The following AFMID variants were observed in gnomAD, a reference collection of about 807,000 sequenced individuals.
The protein encoded by AFMID is arylformamidase.
Under a neutral mutation model 47.5 loss-of-function variants are expected in AFMID, and 39 were observed. That is an observed-to-expected ratio of 0.82 (90% CI 0.64 to 1.07). The LOEUF (loss-of-function observed/expected upper bound fraction) is 1.07, where lower values mean the gene tolerates loss of function less well. AFMID is among the 50% of genes least tolerant of loss of function. The probability of loss-of-function intolerance (pLI) is 0.00; values close to 1 mark genes in which losing one functional copy is unlikely to be tolerated. For synonymous variants in AFMID, 130 were observed against 153.2 expected, an observed-to-expected ratio of 0.85 and a Z score of 1.12; for missense variants, 375 against 387.5, an observed-to-expected ratio of 0.97 and a Z score of 0.27.
intron 2 of AFMID, among the ~76,000 whole-genome samples, chr17:78,201,696 A>G (rs2076246495): frequency 6.6e-6 from 1 of 152,162 alleles, no homozygotes; most frequent in South Asian, 2.1e-4. Flanking sequence ...GGGTCCTCGC[A>G]GAACCACAGT....
At chr17:78,197,185 AT>A (rs761855612) in intron 2 of AFMID, 67 of 1,550,446 alleles carry the variant, frequency 4.3e-5, no homozygotes, top group Non-Finnish European at 5.7e-5. Flanking sequence ...CGACCTTCTG[AT>A]GAAGCCACTC....
At chr17:78,199,062 C>CGTCA (rs2076182861) in intron 2 of AFMID, among the ~76,000 whole-genome samples, 1 of 152,228 alleles carries the variant, frequency 6.6e-6, no homozygotes, top group South Asian at 2.1e-4. Context: ...CTCGTCAGTA[C>CGTCA]GTCAGTACGC....
At chr17:78,191,119 C>A in intron 2 of AFMID, 59 bp downstream of exon 2, 1 of 1,476,778 alleles carries the variant, frequency 6.8e-7, no homozygotes, top group Non-Finnish European at 9.4e-7. Flanking sequence ...GGCAGTGATT[C>A]AGAATGCTGG....
intron 1 of AFMID, 41 bp downstream of exon 1, chr17:78,187,474 G>C: frequency 6.2e-7 from 1 of 1,609,092 alleles, no homozygotes; most frequent in Non-Finnish European, 8.5e-7. Context: ...CTGGGGCGGA[G>C]TTAGCTCATT....
chr17:78,196,316 G>C (rs1220731720), intron 2 of AFMID, among the ~76,000 whole-genome samples: 1 of 152,178 alleles, frequency 6.6e-6, no homozygotes, highest in Non-Finnish European at 1.5e-5. Flanking sequence ...AATGAGCAAA[G>C]ATTGCACCAC....
chr17:78,201,401 A>C (rs568403644), intron 2 of AFMID, among the ~76,000 whole-genome samples: 2 of 152,036 alleles, frequency 1.3e-5, no homozygotes, highest in South Asian at 4.2e-4. Flanking sequence ...TGGATGGATC[A>C]TCTGAGGTTG....
intron 10 of AFMID, among the ~76,000 whole-genome samples, 200 bp from the exon 11 acceptor site, chr17:78,206,711 T>A (rs1173920162): frequency 6.6e-6 from 1 of 151,156 alleles, no homozygotes; most frequent in Non-Finnish European, 1.5e-5. Flanking sequence ...TTCTTCTTCT[T>A]CCTTCATCTC....
chr17:78,190,905 G>A (rs1244875189), intron 1 of AFMID, 65 bp from the exon 2 acceptor site: 10 of 1,476,506 alleles, frequency 6.8e-6, no homozygotes, highest in African/African-American at 1.4e-5. Flanking sequence ...GGGCATGGGC[G>A]AGGGGGAGGG....
chr17:78,202,953 C>G, intron 4 of AFMID: 1 of 630,272 alleles, frequency 1.6e-6, no homozygotes, highest in Middle Eastern at 4.4e-4. Context: ...TCTCCAGCTT[C>G]TGGTGGCCTT....
intron 2 of AFMID, among the ~76,000 whole-genome samples, chr17:78,201,153 C>T (rs937848452): frequency 5.3e-5 from 8 of 151,772 alleles, no homozygotes; most frequent in African/African-American, 1.2e-4. Flanking sequence ...TCCACCACCA[C>T]GTCCAGATAA....
At chr17:78,187,813 G>A (rs77183763) in intron 1 of AFMID, among the ~76,000 whole-genome samples, 11,102 of 151,832 alleles carry the variant, frequency 0.073, 844 homozygotes, top group African/African-American at 0.19. Context: ...TTAGCCGGGC[G>A]TGGTGATGTA....
chr17:78,189,030 C>G (rs1470914088), intron 1 of AFMID, among the ~76,000 whole-genome samples: 2 of 151,296 alleles, frequency 1.3e-5, no homozygotes, highest in East Asian at 4.0e-4. Context: ...CTGTGCCGGG[C>G]CTGGATAGAT....
rs530676623 is a variant in AFMID at position 78,196,447 on chromosome 17, G to C, written c.154+5387G>C. ...AATCCCAGCACTTTGGGAGGCCAGA[G>C]GGGGGCAGATCACTTGAGGTCAGGA... is the stretch of plus-strand genomic sequence containing the variant. On this transcript the variant is annotated intron_variant, in intron 2 of 10. Coordinates refer to ENST00000409257, the MANE Select transcript of AFMID (RefSeq NM_001010982.5). Among the ~76,000 whole-genome samples the C allele has an allele frequency of 7.5e-5, 11 of 147,358 alleles. 1 individual carries two copies. The South Asian group carries it at 2.3e-3, about 31-fold the overall frequency.
intron 7 of AFMID, 96 bp downstream of exon 7, chr17:78,205,286 G>A (rs1474221981): frequency 2.1e-6 from 3 of 1,446,110 alleles, no homozygotes; most frequent in Non-Finnish European, 2.9e-6. Flanking sequence ...GGCCATGAGT[G>A]GCTTGACCGC....
chr17:78,188,505 TA>T (rs1051989119), intron 1 of AFMID, among the ~76,000 whole-genome samples: 1 of 152,114 alleles, frequency 6.6e-6, no homozygotes, highest in African/African-American at 2.4e-5. Context: ...CTGCAACCTC[TA>T]CCTCCCGGGT....
intron 1 of AFMID, among the ~76,000 whole-genome samples, chr17:78,188,142 C>T (rs564762157): frequency 1.3e-5 from 2 of 150,868 alleles, no homozygotes; most frequent in South Asian, 2.1e-4. Flanking sequence ...ACATACAGGC[C>T]GGGTGCGGTG....
intron 2 of AFMID, among the ~76,000 whole-genome samples, chr17:78,194,797 C>T (rs900656851): frequency 4.6e-5 from 7 of 152,180 alleles, no homozygotes; most frequent in Non-Finnish European, 7.4e-5. Flanking sequence ...CAGGTTCAAG[C>T]GATTCTCCTG....
chr17:78,199,620 G>A (rs924641397), intron 2 of AFMID, among the ~76,000 whole-genome samples: 2 of 152,000 alleles, frequency 1.3e-5, no homozygotes, highest in African/African-American at 4.8e-5. Flanking sequence ...TGGTCCACCC[G>A]CCTCGGCCTC....
chr17:78,190,954 T>C lies in AFMID; in HGVS notation c.64-16T>C. The C allele has an allele frequency of 1.2e-6, 2 of 1,611,492 alleles. No homozygotes were observed. Among genetic ancestry groups the C allele is most frequent in the Non-Finnish European group, 1.7e-6 (2 of 1,178,578 alleles). On this transcript the variant is annotated splice_polypyrimidine_tract_variant and intron_variant, in intron 1 of 10. Transcript: ENST00000409257. ...AGAAGGAAAGTCTTACGGAGCCTCA[T>C]GTTTGTGCCCTGCAGGAGCTGGAGA...
Sources: allele counts gnomAD v4.1 joint callset (sites outside exome capture counted in the v4.1 genomes callset), GRCh38; gene constraint gnomAD v4.1.1; transcripts MANE v1.5; gene names NCBI Gene and HGNC (gene_info 2026-07-23, HGNC 2026-07-21).